Variants in MLIP observed in about 807,000 individuals in gnomAD.
MLIP encodes muscular LMNA interacting protein.
Under a neutral mutation model 84.8 loss-of-function variants are expected in MLIP, and 79 were observed. That is an observed-to-expected ratio of 0.93 (90% CI 0.78 to 1.12). The LOEUF (loss-of-function observed/expected upper bound fraction) is 1.12. MLIP is among the 50% of genes most tolerant of loss of function. The pLI is 0.00. For synonymous variants in MLIP, 504 were observed against 463.0 expected (o/e 1.09, Z -1.14); for missense variants, 1,257 against 1,160.6 (o/e 1.08, Z -1.21).
At chr6:54,257,414 G>A in intron 13 of MLIP, 53 bp downstream of exon 13, 1 of 1,320,768 alleles carries the variant, frequency 7.6e-7, no homozygotes, top group South Asian at 1.3e-5. Flanking sequence ...TGTGATTATA[G>A]AAATAAACCA....
chr6:54,234,851 C>G (rs1004076025), intron 12 of MLIP, among the ~76,000 whole-genome samples: 3 of 152,186 alleles, frequency 2.0e-5, no homozygotes, highest in Non-Finnish European at 4.4e-5. Context: ...TCCTCTACCT[C>G]TTCTTTCTAA....
At chr6:54,019,067 C>T in exon 1 of MLIP, 1 of 1,610,972 alleles carries the variant, frequency 6.2e-7, no homozygotes, top group South Asian at 1.1e-5. Context: ...GCTTATTAAA[C>T]AAGAATTTAG....
intron 11 of MLIP, chr6:54,216,040 T>G (rs1779832782): frequency 2.2e-6 from 1 of 463,340 alleles, no homozygotes; most frequent in Non-Finnish European, 2.8e-6. Flanking sequence ...TTTCATTGTT[T>G]AACACGTTTT....
intron 12 of MLIP, among the ~76,000 whole-genome samples, chr6:54,238,780 A>C (rs1390085940): frequency 2.6e-5 from 4 of 152,228 alleles, no homozygotes; most frequent in Non-Finnish European, 5.9e-5. Context: ...CCCCAGGAGA[A>C]AATTCACAGC....
At chr6:54,063,543 A>AG (rs1188376281) in intron 1 of MLIP, among the ~76,000 whole-genome samples, 1 of 152,206 alleles carries the variant, frequency 6.6e-6, no homozygotes, top group Non-Finnish European at 1.5e-5. Context: ...CTTATCCTTT[A>AG]GGTGTAAATG....
chr6:54,255,979 A>G (rs1253649462), intron 12 of MLIP, among the ~76,000 whole-genome samples: 1 of 152,146 alleles, frequency 6.6e-6, no homozygotes, highest in Non-Finnish European at 1.5e-5. Context: ...ATCCTAAGCC[A>G]TACTTAGGAT....
At chr6:54,243,002 G>A (rs1229566505) in intron 12 of MLIP, among the ~76,000 whole-genome samples, 2 of 152,184 alleles carry the variant, frequency 1.3e-5, no homozygotes, top group Non-Finnish European at 2.9e-5. Context: ...CTGTGTTTGT[G>A]CTGGCCATGC....
intron 1 of MLIP, chr6:54,030,529 C>A (rs985805002): frequency 6.6e-6 from 1 of 151,408 alleles, no homozygotes; most frequent in African/African-American, 2.4e-5. Context: ...CATAAGTACA[C>A]GATTGACAGC....
At chr6:54,264,796 G>T (rs1783592100) in intron 13 of MLIP, among the ~76,000 whole-genome samples, 2 of 152,058 alleles carry the variant, frequency 1.3e-5, no homozygotes, top group Non-Finnish European at 2.9e-5. Context: ...GAAAGCTACA[G>T]CTTACTTCTT....
chr6:54,022,690 C>A (rs1488815983), intron 1 of MLIP, among the ~76,000 whole-genome samples: 2 of 151,648 alleles, frequency 1.3e-5, no homozygotes, highest in African/African-American at 4.9e-5. Context: ...AAAAAAAAAT[C>A]ATTTATTACT....
At position 54,137,931 on chromosome 6, in the gene MLIP, T is replaced by A; in HGVS notation, c.1862T>A (p.Ile621Lys). 6.5e-7 allele frequency: 1 copy of A among 1,536,128 alleles called. No individual in the cohort carries two copies. The highest frequency in any genetic ancestry group is 1.2e-5 in the South Asian group (1 of 84,058). The stretch of plus-strand genomic sequence containing the variant: ...CCTTCCCCAGCTCTTTCAAGCCTGA[T>A]AAACAGATCTAAAAGAGCATCATCC... Reference protein sequence around the residue: ...FHPSPALSSLINRSKRASSQL... With the variant: ...FHPSPALSSLKNRSKRASSQL... The change falls in exon 4 of 14, where the codon ATA (isoleucine) becomes AAA (lysine). Residue 621 changes from isoleucine to lysine, a missense_variant. Physicochemically the swap from Ile to Lys is moderately radical, Grantham distance 102. Transcript: ENST00000502396.
intron 12 of MLIP, among the ~76,000 whole-genome samples, chr6:54,253,757 G>A (rs1169341108): frequency 6.6e-6 from 1 of 152,080 alleles, no homozygotes; most frequent in Non-Finnish European, 1.5e-5. Flanking sequence ...GGTGGCAGCT[G>A]TGACCAAAAG....
intron 1 of MLIP, among the ~76,000 whole-genome samples, chr6:54,091,199 T>C (rs1396477250): frequency 6.6e-6 from 1 of 152,148 alleles, no homozygotes; most frequent in African/African-American, 2.4e-5. Context: ...AGTAAACCCC[T>C]GGTTGATGAG....
At chr6:54,148,427 G>A (rs1773086870) in intron 4 of MLIP, among the ~76,000 whole-genome samples, 2 of 152,282 alleles carry the variant, frequency 1.3e-5, no homozygotes, top group African/African-American at 4.8e-5. Context: ...ATAACTGTTA[G>A]AAGGTGCAGG....
chr6:54,133,963 A>G (rs963289354), intron 3 of MLIP, among the ~76,000 whole-genome samples: 3 of 152,158 alleles, frequency 2.0e-5, no homozygotes, highest in African/African-American at 7.2e-5. Context: ...GTTTGAAGCA[A>G]AGGAATCAAT....
intron 1 of MLIP, among the ~76,000 whole-genome samples, chr6:54,068,293 T>G (rs1457040300): frequency 1.0e-5 from 1 of 97,316 alleles, no homozygotes; most frequent in African/African-American, 2.6e-5. Context: ...CCGACCATCA[T>G]GCCCAGCTAA....
chr6:54,248,246 G>A (rs1376581414), intron 12 of MLIP, among the ~76,000 whole-genome samples: 2 of 152,046 alleles, frequency 1.3e-5, no homozygotes. Context: ...GATTGTACTA[G>A]ACTGGTATGA....
intron 1 of MLIP, among the ~76,000 whole-genome samples, chr6:54,101,825 TTTAAAG>T (rs1768674593): frequency 6.6e-6 from 1 of 152,156 alleles, no homozygotes; most frequent in African/African-American, 2.4e-5. Context: ...TCATTTCTAT[TTTAAAG>T]TTATATTCCA....
At position 54,121,531 on chromosome 6, in the gene MLIP, G is replaced by A; in HGVS notation, c.181G>A (p.Ala61Thr). The A allele has an allele frequency of 6.2e-7, 1 of 1,613,996 alleles. No individual in the cohort carries two copies. The highest frequency in any genetic ancestry group is 2.2e-5 in the East Asian group (1 of 44,868). The change falls in exon 2 of 14, where the codon GCT (alanine) becomes ACT (threonine). Residue 61 changes from alanine (A) to threonine (T), a missense_variant. Physicochemically the swap from Ala to Thr is moderately conservative, Grantham distance 58. Transcript: ENST00000502396. ...VRRLPTHTQLADTSKFLVKIP... is the reference protein window; with the variant it reads ...VRRLPTHTQLTDTSKFLVKIP... ...AAGACTACCAACCCATACTCAGTTG[G>A]CTGACACCTCTAAATTCCTTGTTAA...
Sources: allele counts gnomAD v4.1 joint callset (sites outside exome capture counted in the v4.1 genomes callset), GRCh38; gene constraint gnomAD v4.1.1; transcripts MANE v1.5; gene names NCBI Gene and HGNC (gene_info 2026-07-23, HGNC 2026-07-21).